The following GRM8 variants were observed in gnomAD, a reference collection of about 807,000 sequenced individuals.
GRM8 encodes metabotropic glutamate receptor 8.
Under a neutral mutation model 87.2 loss-of-function variants are expected in GRM8, and 47 were observed. The observed-to-expected ratio is 0.54, with a 90% CI of 0.43 to 0.69. The LOEUF (loss-of-function observed/expected upper bound fraction) is 0.69. Ranked by LOEUF, GRM8 falls within the 30% of genes least tolerant of loss-of-function variation. The probability of loss-of-function intolerance (pLI) is 0.00; values close to 1 mark genes in which losing one functional copy is unlikely to be tolerated. For synonymous variants in GRM8, 396 were observed against 404.5 expected (o/e 0.98, Z 0.25); for missense variants, 1,019 against 1,139.2 (o/e 0.89, Z 1.52).
chr7:126,889,730 CTG>C (rs1443225925), intron 6 of GRM8, among the ~76,000 whole-genome samples: 1 of 152,014 alleles, frequency 6.6e-6, no homozygotes. Flanking sequence ...CTTAGGAAAC[CTG>C]TGAGAAATTA....
intron 2 of GRM8, among the ~76,000 whole-genome samples, chr7:127,110,739 C>T (rs143331909): frequency 6.6e-6 from 1 of 152,294 alleles, no homozygotes; most frequent in East Asian, 1.9e-4. Context: ...CCTCCCAACT[C>T]CATTCTCTTT....
intron 7 of GRM8, among the ~76,000 whole-genome samples, chr7:126,678,726 A>G (rs1306895121): frequency 6.6e-6 from 1 of 152,172 alleles, no homozygotes; most frequent in Non-Finnish European, 1.5e-5. Flanking sequence ...TTTGACAGAT[A>G]TCCAGGTTGC....
intron 3 of GRM8, among the ~76,000 whole-genome samples, chr7:127,093,374 A>T (rs1824339921): frequency 6.6e-6 from 1 of 152,218 alleles, no homozygotes. Context: ...GCTCACGTGA[A>T]TAATTCCATC....
intron 6 of GRM8, among the ~76,000 whole-genome samples, chr7:126,816,013 T>C (rs140328212): frequency 2.3e-4 from 35 of 152,132 alleles, no homozygotes; most frequent in African/African-American, 7.5e-4. Context: ...TTTATATATA[T>C]ATATATAGTC....
chr7:126,603,668 T>TTC (rs1798052612), intron 8 of GRM8, among the ~76,000 whole-genome samples: 1 of 152,102 alleles, frequency 6.6e-6, no homozygotes, highest in Non-Finnish European at 1.5e-5. Flanking sequence ...ACACTTATGC[T>TTC]ATGTAGGAAA....
At chr7:127,196,534 C>A (rs17865540) in intron 2 of GRM8, among the ~76,000 whole-genome samples, 242 of 144,724 alleles carry the variant, frequency 1.7e-3, no homozygotes, top group African/African-American at 4.2e-3. Context: ...AACAAACAAA[C>A]AAAAAAAAAA....
At chr7:126,728,076 G>T (rs894266479) in intron 7 of GRM8, among the ~76,000 whole-genome samples, 1 of 152,108 alleles carries the variant, frequency 6.6e-6, no homozygotes, top group Non-Finnish European at 1.5e-5. Context: ...GAAGAAAATT[G>T]TTGAGAACTT....
intron 3 of GRM8, among the ~76,000 whole-genome samples, chr7:126,924,513 C>T (rs1449984368): frequency 1.3e-5 from 2 of 152,174 alleles, no homozygotes; most frequent in Non-Finnish European, 2.9e-5. Flanking sequence ...ACAGGTTTTT[C>T]TCACCCTCTA....
intron 7 of GRM8, among the ~76,000 whole-genome samples, chr7:126,702,173 TA>T (rs2151398716): frequency 6.6e-6 from 1 of 152,288 alleles, no homozygotes; most frequent in South Asian, 2.1e-4. Flanking sequence ...TTGTGGAGCT[TA>T]CAGTCCAGCA....
At chr7:126,688,709 C>T in intron 7 of GRM8, among the ~76,000 whole-genome samples, 1 of 150,916 alleles carries the variant, frequency 6.6e-6, no homozygotes, top group Middle Eastern at 3.4e-3. Context: ...TTCTGCCCCT[C>T]CTTTCCCTAT....
intron 7 of GRM8, among the ~76,000 whole-genome samples, chr7:126,756,319 C>T (rs957254551): frequency 3.4e-4 from 51 of 151,930 alleles, no homozygotes; most frequent in African/African-American, 1.1e-3. Context: ...AACTATTAGA[C>T]GATAATAACA....
chr7:126,870,439 A>G (rs527677851), intron 6 of GRM8: 2 of 152,160 alleles, frequency 1.3e-5, no homozygotes, highest in Non-Finnish European at 2.9e-5. Flanking sequence ...TCAGCTTTCC[A>G]TGTGCCTTCC....
intron 3 of GRM8, among the ~76,000 whole-genome samples, chr7:126,949,342 C>A (rs968620617): frequency 1.3e-5 from 2 of 152,098 alleles, no homozygotes; most frequent in African/African-American, 4.8e-5. Flanking sequence ...TGATCCACAG[C>A]AGCATTTCTT....
intron 6 of GRM8, among the ~76,000 whole-genome samples, chr7:126,775,832 T>C (rs1014163967): frequency 4.6e-5 from 7 of 152,060 alleles, no homozygotes; most frequent in Admixed American, 2.0e-4. Context: ...TCAGCTGGCA[T>C]TGCCACTCTT....
intron 3 of GRM8, among the ~76,000 whole-genome samples, chr7:126,997,936 G>C (rs1563396166): frequency 6.6e-6 from 1 of 151,808 alleles, no homozygotes; most frequent in African/African-American, 2.4e-5. Flanking sequence ...TATAAATCCA[G>C]TATTATCCTG....
rs148423455 is a variant in GRM8 at position 127,151,374 on chromosome 7, A to G, written c.511-44662T>C. On this transcript the variant is annotated intron_variant, in intron 2 of 10. Coordinates refer to ENST00000339582, the MANE Select transcript of GRM8 (RefSeq NM_000845.3). ...ATCTCCCACTAGCAAAAAGCAACTT[A>G]TCTCTTCCATGGATCTTCCTCGGAT... Among the ~76,000 whole-genome samples, 525 of 152,146 alleles carry G rather than the reference A, an allele frequency of 3.5e-3. 9 individuals carry two copies. The highest frequency in any genetic ancestry group is 0.029 in the Admixed American group (441 of 15,264).
chr7:126,953,383 T>C (rs758536790), intron 3 of GRM8, among the ~76,000 whole-genome samples: 5 of 152,098 alleles, frequency 3.3e-5, no homozygotes, highest in African/African-American at 7.2e-5. Context: ...AAGACATCTT[T>C]CCCTCTTGCA....
At chr7:126,527,522 G>A (rs1175126534) in intron 9 of GRM8, among the ~76,000 whole-genome samples, 1 of 152,164 alleles carries the variant, frequency 6.6e-6, no homozygotes, top group Admixed American at 6.5e-5. Flanking sequence ...ACAAGGTACA[G>A]CTGAAAATTT....
chr7:126,736,602 T>G (rs1814257483), intron 7 of GRM8, among the ~76,000 whole-genome samples: 1 of 152,082 alleles, frequency 6.6e-6, no homozygotes, highest in Admixed American at 6.6e-5. Flanking sequence ...GCTTTAAATA[T>G]TTCTAACCTT....
Sources: gnomAD v4.1 joint callset for allele counts (sites outside exome capture counted in the v4.1 genomes callset) on GRCh38, gnomAD v4.1.1 for gene constraint, MANE v1.5 for transcripts, NCBI Gene and HGNC (gene_info 2026-07-23, HGNC 2026-07-21) for gene names.